Variants in ITSN1 observed in about 807,000 individuals in gnomAD.
The protein encoded by ITSN1 is intersectin-1.
A neutral mutation model predicts 239.8 loss-of-function variants in ITSN1; 58 were observed. That is an observed-to-expected ratio of 0.24 (90% confidence interval 0.20 to 0.30). The LOEUF is 0.30. ITSN1 is among the 10% of genes least tolerant of loss of function. The pLI is 1.00. For synonymous variants in ITSN1, 780 were observed against 770.8 expected (o/e 1.01, Z -0.20); for missense variants, 1,558 against 2,103.3 (o/e 0.74, Z 5.07).
At chr21:33,663,180 T>C (rs2089687186) in intron 1 of ITSN1, among the ~76,000 whole-genome samples, 1 of 152,238 alleles carries the variant, frequency 6.6e-6, no homozygotes, top group Admixed American at 6.5e-5. Flanking sequence ...CAGGCAGTTA[T>C]AGTAATTGCT....
intron 3 of ITSN1, among the ~76,000 whole-genome samples, chr21:33,721,590 G>A (rs936521922): frequency 1.3e-5 from 2 of 151,918 alleles, no homozygotes; most frequent in Admixed American, 6.6e-5. Context: ...GAGGTCAGGA[G>A]TTCCAAACCA....
At chr21:33,673,912 C>G (rs2090447972) in intron 1 of ITSN1, among the ~76,000 whole-genome samples, 1 of 152,238 alleles carries the variant, frequency 6.6e-6, no homozygotes, top group Admixed American at 6.5e-5. Flanking sequence ...TTCTGTACAT[C>G]TTGCCCCAAA....
chr21:33,861,489 C>G (rs150847093), intron 31 of ITSN1, among the ~76,000 whole-genome samples: 1 of 152,308 alleles, frequency 6.6e-6, no homozygotes, highest in African/African-American at 2.4e-5. Flanking sequence ...CATGGACTTC[C>G]TACTAATGAT....
intron 1 of ITSN1, among the ~76,000 whole-genome samples, chr21:33,706,311 G>GT (rs2092246160): frequency 6.6e-6 from 1 of 152,110 alleles, no homozygotes. Flanking sequence ...GAGCCACCAA[G>GT]TTTTTAATTG....
At chr21:33,813,115 G>A (rs1399752396) in intron 21 of ITSN1, among the ~76,000 whole-genome samples, 1 of 152,028 alleles carries the variant, frequency 6.6e-6, no homozygotes, top group African/African-American at 2.4e-5. Context: ...AACCTTAAGT[G>A]GCACAGTATT....
chr21:33,751,878 C>A lies in ITSN1; in HGVS notation c.595C>A (p.Gln199Lys). 1.9e-6 allele frequency: 3 copies of A among 1,613,510 alleles called. No individual in the cohort carries two copies. The highest frequency in any genetic ancestry group is 2.5e-6 in the Non-Finnish European group (3 of 1,179,532). The change falls in exon 7 of 40, where the codon CAA (glutamine) becomes AAA (lysine). Residue 199 changes from glutamine to lysine, a missense_variant. Physicochemically the swap from Gln to Lys is moderately conservative, Grantham distance 53. Coordinates refer to ENST00000381318, the MANE Select transcript of ITSN1 (RefSeq NM_003024.3). ...GPGSQLNTKL[Q>K]KAQSFDVASV... ...AGGGTCACAACTAAACACTAAATTA[C>A]AAAAGGCACAGTCATTTGATGTGGC...
intron 1 of ITSN1, among the ~76,000 whole-genome samples, chr21:33,708,666 G>C: frequency 1.3e-5 from 2 of 152,126 alleles, no homozygotes; most frequent in Middle Eastern, 6.8e-3. Flanking sequence ...GATTATAGGC[G>C]TGAGCCACCG....
intron 1 of ITSN1, among the ~76,000 whole-genome samples, chr21:33,660,242 C>T (rs1410691047): frequency 6.6e-6 from 1 of 152,112 alleles, no homozygotes; most frequent in Admixed American, 6.6e-5. Context: ...TTATGTGCTG[C>T]TCCCACAATA....
chr21:33,643,349 G>A (rs568265500), intron 1 of ITSN1: 5 of 152,386 alleles, frequency 3.3e-5, no homozygotes, highest in African/African-American at 1.2e-4. Context: ...CGGGTCCGCC[G>A]CGTCCCTTCC....
At chr21:33,775,269 C>T (rs991375661) in intron 14 of ITSN1, among the ~76,000 whole-genome samples, 161 bp downstream of exon 14, 5 of 152,204 alleles carry the variant, frequency 3.3e-5, no homozygotes, top group Admixed American at 2.6e-4. Context: ...GAAAAGTAGC[C>T]TGTCAAGGAG....
intron 34 of ITSN1, among the ~76,000 whole-genome samples, chr21:33,879,174 C>T (rs915759240): frequency 6.6e-6 from 1 of 152,046 alleles, no homozygotes; most frequent in Non-Finnish European, 1.5e-5. Context: ...ATAGTGAGAC[C>T]CTGTCTCTAC....
At chr21:33,750,936 G>A (rs1382960267) in intron 6 of ITSN1, among the ~76,000 whole-genome samples, 2 of 152,078 alleles carry the variant, frequency 1.3e-5, no homozygotes, top group East Asian at 3.8e-4. Flanking sequence ...ATATCAATAT[G>A]GAAAGTATTA....
At position 33,799,941 on chromosome 21, in the gene ITSN1, T is replaced by C; in HGVS notation, c.2304+12T>C. On this transcript the variant is annotated intron_variant, in intron 19 of 39. Coordinates refer to ENST00000381318, the MANE Select transcript of ITSN1 (RefSeq NM_003024.3). Reference sequence around the variant, plus strand: ...GAGACATAGTCATGGTAAGAAAGACTCCAGTGAGAGGGTCATTTCTGTTGA... The same window carrying C: ...GAGACATAGTCATGGTAAGAAAGACCCCAGTGAGAGGGTCATTTCTGTTGA... 6.2e-7 allele frequency: 1 copy of C among 1,611,150 alleles called. No homozygotes were observed. The highest frequency in any genetic ancestry group is 8.5e-7 in the Non-Finnish European group (1 of 1,179,008).
chr21:33,726,518 T>C (rs1380437676), intron 4 of ITSN1, among the ~76,000 whole-genome samples: 1 of 152,098 alleles, frequency 6.6e-6, no homozygotes, highest in African/African-American at 2.4e-5. Flanking sequence ...TTTTGTTTGT[T>C]TTTGAGACAG....
chr21:33,840,092 G>A (rs923722813), intron 29 of ITSN1, among the ~76,000 whole-genome samples: 4 of 152,188 alleles, frequency 2.6e-5, no homozygotes, highest in African/African-American at 9.7e-5. Context: ...CTCATGTCGT[G>A]TATCTGCAGC....
chr21:33,768,158 A>G (rs2068852348), intron 11 of ITSN1, among the ~76,000 whole-genome samples: 1 of 152,256 alleles, frequency 6.6e-6, no homozygotes, highest in African/African-American at 2.4e-5. Context: ...TGATTGCTTA[A>G]TACCACCAGT....
chr21:33,823,940 T>C (rs2073832781), intron 25 of ITSN1, among the ~76,000 whole-genome samples: 1 of 152,266 alleles, frequency 6.6e-6, no homozygotes, highest in Admixed American at 6.5e-5. Context: ...TTCCTGCCTG[T>C]AACTGACTTA....
At chr21:33,721,947 A>T (rs2065510875) in intron 3 of ITSN1, 1 of 146,124 alleles carries the variant, frequency 6.8e-6, no homozygotes, top group African/African-American at 2.5e-5. Context: ...CGCTCTTGTT[A>T]CCCAGGCTGG....
At chr21:33,784,705 A>G (rs1475383180) in intron 16 of ITSN1, among the ~76,000 whole-genome samples, 1 of 152,254 alleles carries the variant, frequency 6.6e-6, no homozygotes, top group East Asian at 1.9e-4. Context: ...GAGACAACTC[A>G]GAGATGGATT....
Sources: gnomAD v4.1 joint callset for allele counts (sites outside exome capture counted in the v4.1 genomes callset) on GRCh38, gnomAD v4.1.1 for gene constraint, MANE v1.5 for transcripts, NCBI Gene and HGNC (gene_info 2026-07-23, HGNC 2026-07-21) for gene names.